The following AP2M1 variants were observed in gnomAD, a reference collection of about 807,000 sequenced individuals.
AP2M1 encodes adaptor related protein complex 2 subunit mu 1.
In AP2M1, 5 loss-of-function variants were observed where a neutral mutation model predicts 54.5. The observed-to-expected ratio is 0.09, with a 90% CI of 0.05 to 0.19. The LOEUF (loss-of-function observed/expected upper bound fraction) is 0.19, where lower values mean the gene tolerates loss of function less well. Ranked by LOEUF, AP2M1 falls within the 10% of genes least tolerant of loss-of-function variation. The pLI is 1.00. For missense variants in AP2M1, 178 were observed against 580.2 expected (o/e 0.31, Z 7.12); for synonymous variants, 186 against 208.2 (o/e 0.89, Z 0.92).
chr3:184,178,213 C>T lies in AP2M1; in HGVS notation c.75-644C>T, dbSNP rs747712749. The T allele has an allele frequency of 9.1e-6, 14 of 1,536,116 alleles. No homozygotes were observed. The highest frequency in any genetic ancestry group is 1.7e-4 in the Middle Eastern group (1 of 5,990). On this transcript the variant is annotated intron_variant, in intron 2 of 11. Coordinates refer to ENST00000292807, the MANE Select transcript of AP2M1 (RefSeq NM_004068.4). This position sits in a 1 kb window ranked among gnomAD's most constrained non-coding sequence, Gnocchi z 4.9. ...TCTCTCATCCCATCTCATTGGCTGCCGTAGCAATAGGTAAGCGGCCTCTCA... is the reference window on the plus strand; with the variant it reads ...TCTCTCATCCCATCTCATTGGCTGCTGTAGCAATAGGTAAGCGGCCTCTCA...
Position 184,182,908 on chromosome 3 carries a change from C to A in AP2M1, c.1173+40C>A. ...GGGCCTAGAGTCATGCCAGGGTATG[C>A]TGGAAGACCTCTTAGAGATCATTCC... On this transcript the variant is annotated intron_variant, in intron 11 of 11. Coordinates refer to ENST00000292807, the MANE Select transcript of AP2M1 (RefSeq NM_004068.4). This position sits in a 1 kb window ranked among gnomAD's most constrained non-coding sequence, Gnocchi z 5.5. 2 of 1,535,438 alleles carry A rather than the reference C, an allele frequency of 1.3e-6. No individual in the cohort carries two copies. Among genetic ancestry groups the A allele is most frequent in the Non-Finnish European group, 1.8e-6 (2 of 1,111,062 alleles).
Position 184,181,372 on chromosome 3 carries a change from C to A in AP2M1, c.707+146C>A. ...GGTAAGCCTGGCTGTTCGCTCTTGA[C>A]ATTAGTGCTACGAGAGATGAGGGGA... is the stretch of plus-strand genomic sequence containing the variant. On this transcript the variant is annotated intron_variant, in intron 7 of 11. Coordinates refer to ENST00000292807, the MANE Select transcript of AP2M1 (RefSeq NM_004068.4). This position sits in a 1 kb window ranked among gnomAD's most constrained non-coding sequence, Gnocchi z 5.7. The A allele has an allele frequency of 8.0e-7, 1 of 1,251,382 alleles. No homozygotes were observed. Among genetic ancestry groups the A allele is most frequent in the Admixed American group, 2.2e-5 (1 of 46,216 alleles). 77.5% of individuals were successfully genotyped at this position (1,251,382 alleles called of 1,614,324 possible).
In AP2M1 at chr3:184,180,802, G is replaced by A; in HGVS notation, c.430-47G>A. ...TGGGGATAGAGACAGGATGATTAAA[G>A]GGACAGAGGAGTGAGGCCATTGCTG... On this transcript the variant is annotated intron_variant, in intron 5 of 11. Transcript: ENST00000292807. The surrounding 1 kb of genome is among the most constrained non-coding windows in gnomAD (Gnocchi z 4.9). 2 of 1,614,236 alleles carry A rather than the reference G, an allele frequency of 1.2e-6. No individual in the cohort carries two copies. Among genetic ancestry groups the A allele is most frequent in the Non-Finnish European group, 1.7e-6 (2 of 1,180,046 alleles).
intron 3 of AP2M1, among the ~76,000 whole-genome samples, chr3:184,179,717 G>T (rs1449556947): frequency 1.4e-5 from 2 of 148,146 alleles, no homozygotes; most frequent in African/African-American, 2.5e-5. Flanking sequence ...GCTGAGTGCA[G>T]TGGTGCAATT....
chr3:184,180,368 C>A lies in AP2M1; in HGVS notation c.423+117C>A. 1 of 1,306,064 alleles carries A rather than the reference C, an allele frequency of 7.7e-7. No individual in the cohort carries two copies. The highest frequency in any genetic ancestry group is 1.1e-6 in the Non-Finnish European group (1 of 941,132). The allele number at this position is 1,306,064 out of a possible 1,614,324, so 80.9% of individuals were successfully genotyped here. A position where few individuals can be genotyped will look rare whatever the true frequency, so the allele number is the denominator to read the frequency against. Reference sequence around the variant, plus strand: ...CCCTCCCATGACAGGAAGTGCTGGCCTGAGCCTCCTGCCATGATTGCAGGC... The same window carrying A: ...CCCTCCCATGACAGGAAGTGCTGGCATGAGCCTCCTGCCATGATTGCAGGC... On this transcript the variant is annotated intron_variant, in intron 4 of 11. Transcript: ENST00000292807. The surrounding 1 kb of genome is among the most constrained non-coding windows in gnomAD (Gnocchi z 4.9).
In AP2M1 at chr3:184,178,692, CAT is replaced by C. The variant is rs1381749086; in HGVS notation, c.75-163_75-162del. ...CTCTTCCCATGCCTCCACAGGGAGTCATAAGAAGGGAACCACTCCAGTGGTTT... is the reference window on the plus strand; with the variant it reads ...CTCTTCCCATGCCTCCACAGGGAGTCAAGAAGGGAACCACTCCAGTGGTTT... On this transcript the variant is annotated intron_variant, in intron 2 of 11. Transcript: ENST00000292807. This position sits in a 1 kb window ranked among gnomAD's most constrained non-coding sequence, Gnocchi z 4.9. Among the ~76,000 whole-genome samples the C allele has an allele frequency of 6.6e-6, 1 of 152,172 alleles. No individual in the cohort carries two copies. The highest frequency in any genetic ancestry group is 2.4e-5 in the African/African-American group (1 of 41,420).
chr3:184,180,114 G>C lies in AP2M1; in HGVS notation c.341-55G>C. 1 of 1,575,704 alleles carries C rather than the reference G, an allele frequency of 6.3e-7. No individual in the cohort carries two copies. Among genetic ancestry groups the C allele is most frequent in the Non-Finnish European group, 8.7e-7 (1 of 1,146,702 alleles). On this transcript the variant is annotated intron_variant, in intron 3 of 11. Transcript: ENST00000292807. The surrounding 1 kb of genome is among the most constrained non-coding windows in gnomAD (Gnocchi z 4.9). The stretch of plus-strand genomic sequence containing the variant: ...CCGGTCAGATGTGTAGGCCCAAGTA[G>C]GGGCTGGAATGAAGAAGCTCTGTCC...
In AP2M1 at chr3:184,182,950, T is replaced by C. The variant is rs779949117; in HGVS notation, c.1173+82T>C. On this transcript the variant is annotated intron_variant, in intron 11 of 11. Transcript: ENST00000292807. This position sits in a 1 kb window ranked among gnomAD's most constrained non-coding sequence, Gnocchi z 5.5. ...GATCATTCCGATAAACTGCTGCACC[T>C]TAGAGGTGAGGAAACTGAGGCCTAG... 1 of 1,191,478 alleles carries C rather than the reference T, an allele frequency of 8.4e-7. No individual in the cohort carries two copies. The highest frequency in any genetic ancestry group is 1.3e-5 in the South Asian group (1 of 78,404). 73.8% of individuals were successfully genotyped at this position (1,191,478 alleles called of 1,614,324 possible). A position where few individuals can be genotyped will look rare whatever the true frequency, so the allele number is the denominator to read the frequency against.
chr3:184,177,398 C>A, intron 2 of AP2M1: 1 of 693,842 alleles, frequency 1.4e-6, no homozygotes, highest in Non-Finnish European at 2.4e-6. Flanking sequence ...AGAAATGTCT[C>A]CAGTGGGTGG....
Position 184,177,558 on chromosome 3 carries a change from T to G in AP2M1, c.74+491T>G, listed in dbSNP as rs556944596. The G allele has an allele frequency of 5.2e-6, 8 of 1,535,956 alleles. 1 individual carries two copies. In the South Asian group the frequency reaches 9.5e-5, roughly 18 times the overall value. On this transcript the variant is annotated intron_variant, in intron 2 of 11. Transcript: ENST00000292807. ...CCTTTCTCAGGAGTCGTCAGGCTGCTGACTCAGCTGTCTTCAGTTCCTCTG... is the reference window on the plus strand; with the variant it reads ...CCTTTCTCAGGAGTCGTCAGGCTGCGGACTCAGCTGTCTTCAGTTCCTCTG...
intron 1 of AP2M1, among the ~76,000 whole-genome samples, chr3:184,176,043 C>G (rs1342811473): frequency 6.6e-6 from 1 of 152,162 alleles, no homozygotes; most frequent in Non-Finnish European, 1.5e-5. Context: ...TAATTTGACC[C>G]AAATAATTTG....
Position 184,182,609 on chromosome 3 carries a change from A to G in AP2M1, c.1062-148A>G, listed in dbSNP as rs897848675. 7.7e-6 allele frequency: 5 copies of G among 647,986 alleles called. No individual in the cohort carries two copies. The Admixed American group carries it at 8.8e-5, about 11-fold the overall frequency. The allele number at this position is 647,986 out of a possible 1,614,324, so 40.1% of individuals were successfully genotyped here. On this transcript the variant is annotated intron_variant, in intron 10 of 11. Coordinates refer to ENST00000292807, the MANE Select transcript of AP2M1 (RefSeq NM_004068.4). This position sits in a 1 kb window ranked among gnomAD's most constrained non-coding sequence, Gnocchi z 5.5. ...TCTAAAGAAGTAGACCCAAGTTTCC[A>G]TAGCAAGTGGTTAGCAGGGTCCTGA...
chr3:184,177,762 C>T (rs550779388), intron 2 of AP2M1: 1 of 713,974 alleles, frequency 1.4e-6, no homozygotes, highest in Admixed American at 2.7e-5. Context: ...TTCTTTGCGA[C>T]TGAAGGGACC....
intron 2 of AP2M1, chr3:184,177,927 C>T (rs1023211257): frequency 6.7e-6 from 4 of 598,612 alleles, no homozygotes; most frequent in East Asian, 2.8e-5. Context: ...CCCTTGCGGG[C>T]GTTTGTCCAT....
rs1296719030 is a variant in AP2M1 at position 184,184,052 on chromosome 3, C to G, written c.*436C>G. ...TGAGCTTCATTTTGTACACGTGTGA[C>G]TTCGTCCAGTTACAAACCCAATAAA... On this transcript the variant is annotated 3_prime_UTR_variant, in exon 12 of 12. Transcript: ENST00000292807. The G allele has an allele frequency of 5.5e-6, 1 of 180,644 alleles. No individual in the cohort carries two copies. Among genetic ancestry groups the G allele is most frequent in the Non-Finnish European group, 1.2e-5 (1 of 82,866 alleles). 11.2% of individuals were successfully genotyped at this position (180,644 alleles called of 1,614,324 possible).
In AP2M1 at chr3:184,180,091, G is replaced by C. The variant is rs146286871; in HGVS notation, c.341-78G>C. The C allele has an allele frequency of 6.5e-6, 9 of 1,381,742 alleles. No homozygotes were observed. Among genetic ancestry groups the C allele is most frequent in the Middle Eastern group, 1.8e-4 (1 of 5,608 alleles). 85.6% of individuals were successfully genotyped at this position (1,381,742 alleles called of 1,614,324 possible). On this transcript the variant is annotated intron_variant, in intron 3 of 11. Coordinates refer to ENST00000292807, the MANE Select transcript of AP2M1 (RefSeq NM_004068.4). This position sits in a 1 kb window ranked among gnomAD's most constrained non-coding sequence, Gnocchi z 4.9. ...CCACATGGGCTTTGGGAGCTGTGCC[G>C]GTCAGATGTGTAGGCCCAAGTAGGG...
chr3:184,177,170 C>A, intron 2 of AP2M1, 103 bp downstream of exon 2: 2 of 1,183,092 alleles, frequency 1.7e-6, no homozygotes, highest in Non-Finnish European at 2.4e-6. Flanking sequence ...TTGGGCCACC[C>A]TGACCCCTGG....
intron 2 of AP2M1, chr3:184,177,401 G>A (rs1334604741): frequency 1.4e-6 from 1 of 704,308 alleles, no homozygotes; most frequent in African/African-American, 1.8e-5. Flanking sequence ...AATGTCTCCA[G>A]TGGGTGGGGT....
In AP2M1 at chr3:184,180,469, G is replaced by A; in HGVS notation, c.424-176G>A. 8.8e-7 allele frequency: 1 copy of A among 1,131,236 alleles called. No individual in the cohort carries two copies. The highest frequency in any genetic ancestry group is 1.5e-5 in the South Asian group (1 of 67,446). 70.1% of individuals were successfully genotyped at this position (1,131,236 alleles called of 1,614,324 possible). A position where few individuals can be genotyped will look rare whatever the true frequency, so the allele number is the denominator to read the frequency against. On this transcript the variant is annotated intron_variant, in intron 4 of 11. Coordinates refer to ENST00000292807, the MANE Select transcript of AP2M1 (RefSeq NM_004068.4). The surrounding 1 kb of genome is among the most constrained non-coding windows in gnomAD (Gnocchi z 4.9). ...CTCTATTACCAGGAATACAGCTCAA[G>A]CAGTTTCCTTTTGCACTGAGGGGTG...
Sources: allele counts gnomAD v4.1 joint callset (sites outside exome capture counted in the v4.1 genomes callset), GRCh38; gene constraint gnomAD v4.1.1; non-coding constraint Gnocchi (gnomAD v3.1); transcripts MANE v1.5; gene names NCBI Gene and HGNC (gene_info 2026-07-23, HGNC 2026-07-21).